The following RTL4 variants were observed in gnomAD, a reference collection of about 807,000 sequenced individuals.
The protein encoded by RTL4 is retrotransposon Gag like 4.
Under a neutral mutation model 5.3 loss-of-function variants are expected in RTL4, and 4 were observed. The observed-to-expected ratio is 0.75, with a 90% CI of 0.37 to 1.72. RTL4 has a LOEUF of 1.72. Among genes scored for constraint, RTL4 ranks in the 40% most tolerant of loss-of-function variants. RTL4 has a pLI of 0.04. For synonymous variants in RTL4, 98 were observed against 87.3 expected (o/e 1.12, Z -0.68); for missense variants, 260 against 227.1 (o/e 1.14, Z -0.93).
the RTL4 span, among the ~76,000 whole-genome samples, chrX:112,361,160 C>T: frequency 9.0e-6 from 1 of 111,155 alleles, no homozygotes; most frequent in Non-Finnish European, 1.9e-5. Context: ...TTCCCAATTG[C>T]ACAGGTATTT....
the RTL4 span, among the ~76,000 whole-genome samples, chrX:112,228,367 A>G: frequency 1.8e-5 from 2 of 112,072 alleles, no homozygotes; most frequent in African/African-American, 6.5e-5. Context: ...ATTGTAACAC[A>G]GTGAAGTCTG....
At chrX:112,351,020 C>A in the RTL4 span, among the ~76,000 whole-genome samples, 52 of 111,329 alleles carry the variant, frequency 4.7e-4, no homozygotes, top group Admixed American at 8.6e-4. Context: ...ATAAATTTCC[C>A]TCTACACACT....
At chrX:112,105,515 C>A in the RTL4 span, among the ~76,000 whole-genome samples, 1 of 111,410 alleles carries the variant, frequency 9.0e-6, no homozygotes, top group Admixed American at 9.5e-5. Flanking sequence ...TCTTCCAATG[C>A]ATGATTGTTG....
At chrX:112,300,005 T>C in the RTL4 span, among the ~76,000 whole-genome samples, 1 of 111,439 alleles carries the variant, frequency 9.0e-6, no homozygotes, top group Admixed American at 9.5e-5. Context: ...GGTAGTCCCA[T>C]GCCTCCCCAG....
At chrX:112,412,636 A>G in the RTL4 span, among the ~76,000 whole-genome samples, 1 of 111,559 alleles carries the variant, frequency 9.0e-6, no homozygotes, top group East Asian at 2.8e-4. Context: ...TGGTGGTGGG[A>G]AAACTGGATA....
chrX:112,147,850 C>A, the RTL4 span, among the ~76,000 whole-genome samples: 1 of 111,374 alleles, frequency 9.0e-6, no homozygotes, highest in South Asian at 3.8e-4. Flanking sequence ...CTGAGGCAGG[C>A]TCTTCATCAT....
chrX:112,392,438 C>T, the RTL4 span, among the ~76,000 whole-genome samples: 1 of 111,750 alleles, frequency 8.9e-6, no homozygotes, highest in African/African-American at 3.3e-5. Flanking sequence ...CAGATGGTGG[C>T]CTTTTCCTCC....
the RTL4 span, among the ~76,000 whole-genome samples, chrX:112,144,453 A>G: frequency 2.7e-5 from 3 of 111,061 alleles, no homozygotes; most frequent in Admixed American, 9.6e-5. Context: ...TGCATTTCTG[A>G]TAGGTTCCTG....
chrX:112,134,782 T>G, the RTL4 span, among the ~76,000 whole-genome samples: 3 of 112,048 alleles, frequency 2.7e-5, no homozygotes, highest in Non-Finnish European at 5.6e-5. Context: ...ATTTCCTAGA[T>G]TTTTATGTAA....
At chrX:112,386,442 G>T in the RTL4 span, among the ~76,000 whole-genome samples, 1 of 110,345 alleles carries the variant, frequency 9.1e-6, no homozygotes, top group African/African-American at 3.3e-5. Context: ...CTGAGATTTT[G>T]GTGCACCCAT....
the RTL4 span, among the ~76,000 whole-genome samples, chrX:112,127,043 A>G: frequency 1.8e-5 from 2 of 112,070 alleles, no homozygotes; most frequent in Non-Finnish European, 3.8e-5. Flanking sequence ...AAAATAGAGG[A>G]GGAGCGAACA....
At chrX:112,393,147 CT>C in the RTL4 span, among the ~76,000 whole-genome samples, 8,178 of 81,216 alleles carry the variant, frequency 0.1, 340 homozygotes, top group Admixed American at 0.13. Flanking sequence ...TTCTTTCTTT[CT>C]TTTTTTTTTT....
chrX:112,426,643 C>T, the RTL4 span, among the ~76,000 whole-genome samples: 9 of 111,267 alleles, frequency 8.1e-5, no homozygotes, highest in East Asian at 5.6e-4. Context: ...CCAGTGTAAA[C>T]GGCAATGTGT....
At chrX:112,323,752 A>G in the RTL4 span, among the ~76,000 whole-genome samples, 1 of 111,942 alleles carries the variant, frequency 8.9e-6, no homozygotes, top group East Asian at 2.8e-4. Flanking sequence ...AGCATCCCAA[A>G]GTGCTGAGAT....
the RTL4 span, among the ~76,000 whole-genome samples, chrX:112,334,222 C>G: frequency 8.9e-6 from 1 of 111,968 alleles, no homozygotes; most frequent in Non-Finnish European, 1.9e-5. Flanking sequence ...ACTTAAGTTG[C>G]TTCAAATCTT....
At chrX:112,396,754 T>C in the RTL4 span, among the ~76,000 whole-genome samples, 1 of 111,569 alleles carries the variant, frequency 9.0e-6, no homozygotes, top group Non-Finnish European at 1.9e-5. Context: ...TCTATTTCTA[T>C]TTAAGATCCC....
At chrX:112,117,644 A>G in the RTL4 span, among the ~76,000 whole-genome samples, 1 of 111,263 alleles carries the variant, frequency 9.0e-6, no homozygotes, top group African/African-American at 3.3e-5. Flanking sequence ...GTATTTTTTT[A>G]AAAAAAGACA....
At chrX:112,394,343 A>G in the RTL4 span, among the ~76,000 whole-genome samples, 2 of 110,667 alleles carry the variant, frequency 1.8e-5, no homozygotes, top group African/African-American at 6.6e-5. Flanking sequence ...AGATGCACAC[A>G]CTAGTTGCTT....
At chrX:112,266,407 T>G in the RTL4 span, among the ~76,000 whole-genome samples, 16 of 110,530 alleles carry the variant, frequency 1.4e-4, no homozygotes, top group African/African-American at 5.3e-4. Context: ...CCAGACACAT[T>G]TCTACCACAG....
Sources: allele counts gnomAD v4.1 joint callset (sites outside exome capture counted in the v4.1 genomes callset), GRCh38; gene constraint gnomAD v4.1.1; transcripts MANE v1.5; gene names NCBI Gene and HGNC (gene_info 2026-07-23, HGNC 2026-07-21).